PRPF19: variants seen among roughly 807,000 people sequenced by gnomAD.
PRPF19 encodes pre-mRNA-processing factor 19.
In PRPF19, 2 loss-of-function variants were observed where a neutral mutation model predicts 64.2. The observed-to-expected ratio is 0.03, with a 90% CI of 0.01 to 0.10. The LOEUF (loss-of-function observed/expected upper bound fraction) is 0.10, where lower values mean the gene tolerates loss of function less well. PRPF19 is among the 10% of genes least tolerant of loss of function. The pLI is 1.00. For synonymous variants in PRPF19, 226 were observed against 251.6 expected, an observed-to-expected ratio of 0.90 and a Z score of 0.96; for missense variants, 314 against 650.0, an observed-to-expected ratio of 0.48 and a Z score of 5.62.
chr11:60,901,608 C>T, intron 6 of PRPF19, 68 bp from the exon 7 acceptor site: 1 of 1,567,808 alleles, frequency 6.4e-7, no homozygotes, highest in Non-Finnish European at 8.7e-7. Context: ...AGATGCTGGT[C>T]ACACCTGTGC....
rs759650877 is a variant in PRPF19 at position 60,897,882 on chromosome 11, T to A, written c.1381A>T (p.Ile461Phe). 5.0e-6 allele frequency: 8 copies of A among 1,614,070 alleles called. No individual in the cohort carries two copies. The African/African-American group carries it at 1.1e-4, about 22-fold the overall frequency. Residue 461 changes from isoleucine to phenylalanine, a missense_variant, in exon 15 of 16, where the codon ATC becomes TTC. Physicochemically the swap from Ile to Phe is conservative, Grantham distance 21. Transcript: ENST00000227524. ...AGAATCTCCGTCCATTGTTTGCAGA[T>A]GTAGATCTGGACATCCGTGCCCCCA... Reference protein sequence around the residue: ...ALGGTDVQIYICKQWTEILHF... With the variant: ...ALGGTDVQIYFCKQWTEILHF...
In PRPF19 at chr11:60,898,420, C is replaced by G. The variant is rs748291744; in HGVS notation, c.1140+121G>C. The G allele has an allele frequency of 1.5e-4, 236 of 1,542,272 alleles. No individual in the cohort carries two copies. Among genetic ancestry groups the G allele is most frequent in the Non-Finnish European group, 2.0e-4 (231 of 1,139,148 alleles). On this transcript the variant is annotated intron_variant, in intron 13 of 15. Coordinates refer to ENST00000227524, the MANE Select transcript of PRPF19 (RefSeq NM_014502.5). This position sits in a 1 kb window ranked among gnomAD's most constrained non-coding sequence, Gnocchi z 4.6. ...CCCCAGACCACACCATCATATCACACACGCACAGCCAGTGTCTCTCCACCT... is the reference window on the plus strand; with the variant it reads ...CCCCAGACCACACCATCATATCACAGACGCACAGCCAGTGTCTCTCCACCT...
At chr11:60,896,367 G>A (rs1306713755) in intron 15 of PRPF19, among the ~76,000 whole-genome samples, 2 of 152,204 alleles carry the variant, frequency 1.3e-5, no homozygotes, top group African/African-American at 4.8e-5. Context: ...TGTGGAGGTA[G>A]AAGACAGTGA....
In PRPF19 at chr11:60,902,398, C is replaced by T; in HGVS notation, c.525+5G>A. The T allele has an allele frequency of 1.9e-6, 3 of 1,613,572 alleles. No individual in the cohort carries two copies. Among genetic ancestry groups the T allele is most frequent in the Non-Finnish European group, 2.5e-6 (3 of 1,179,672 alleles). Reference sequence around the variant, plus strand: ...GCACTCCCACCAGGTGAGAGCAGGACTTACCTTCTGAATAATCTCTGGGGT... The same window carrying T: ...GCACTCCCACCAGGTGAGAGCAGGATTTACCTTCTGAATAATCTCTGGGGT... On this transcript the variant is annotated splice_donor_5th_base_variant and intron_variant, in intron 6 of 15. Coordinates refer to ENST00000227524, the MANE Select transcript of PRPF19 (RefSeq NM_014502.5). The surrounding 1 kb of genome is among the most constrained non-coding windows in gnomAD (Gnocchi z 5.0).
chr11:60,895,867 G>A (rs148785602), intron 15 of PRPF19, among the ~76,000 whole-genome samples: 108 of 152,244 alleles, frequency 7.1e-4, no homozygotes, highest in African/African-American at 2.6e-3. Flanking sequence ...GGGTGGAGTG[G>A]TCAGAACACA....
chr11:60,903,998 C>G, intron 1 of PRPF19, 137 bp from the exon 2 acceptor site: 1 of 1,084,930 alleles, frequency 9.2e-7, no homozygotes, highest in African/African-American at 1.6e-5. Flanking sequence ...TGACCCTAAG[C>G]CAGTTCTGTA....
At chr11:60,903,415 T>G in intron 3 of PRPF19, 44 bp downstream of exon 3, 15 of 1,565,254 alleles carry the variant, frequency 9.6e-6, no homozygotes, top group Non-Finnish European at 1.3e-5. Context: ...AGCAATGCAT[T>G]CTCTTCAAGT....
Position 60,898,806 on chromosome 11 carries a change from TAA to T in PRPF19, c.1054+54_1054+55del, listed in dbSNP as rs1855948719. The T allele has an allele frequency of 2.0e-5, 30 of 1,498,462 alleles. No individual in the cohort carries two copies. The highest frequency in any genetic ancestry group is 2.7e-5 in the Non-Finnish European group (30 of 1,117,342). 92.8% of individuals were successfully genotyped at this position (1,498,462 alleles called of 1,614,324 possible). ...AATAAACAAATGACTAAATAAAATG[TAA>T]AAATAAATAATAAACAGCAAACAAA... On this transcript the variant is annotated intron_variant, in intron 12 of 15. Coordinates refer to ENST00000227524, the MANE Select transcript of PRPF19 (RefSeq NM_014502.5). This position sits in a 1 kb window ranked among gnomAD's most constrained non-coding sequence, Gnocchi z 4.6.
intron 8 of PRPF19, 112 bp downstream of exon 8, chr11:60,901,183 A>AGC: frequency 8.2e-7 from 1 of 1,215,492 alleles, no homozygotes; most frequent in Non-Finnish European, 1.2e-6. Context: ...CACCAGGAAC[A>AGC]GCGCCAGGAA....
chr11:60,898,716 C>G lies in PRPF19; in HGVS notation c.1055-90G>C, dbSNP rs532157307. 37 of 1,593,790 alleles carry G rather than the reference C, an allele frequency of 2.3e-5. No homozygotes were observed. In the African/African-American group the frequency reaches 4.0e-4, roughly 17 times the overall value. ...AGGTAGGTTCCTTGTTCTTCACATT[C>G]CTCAGTGAACCCAGCACAAAGCCCG... is the stretch of plus-strand genomic sequence containing the variant. On this transcript the variant is annotated intron_variant, in intron 12 of 15. Transcript: ENST00000227524. The surrounding 1 kb of genome is among the most constrained non-coding windows in gnomAD (Gnocchi z 4.6).
intron 10 of PRPF19, 130 bp from the exon 11 acceptor site, chr11:60,899,434 G>A: frequency 1.0e-6 from 1 of 992,382 alleles, no homozygotes; most frequent in South Asian, 1.6e-5. Flanking sequence ...GCCCTCCCTG[G>A]AACCACCTAT....
chr11:60,904,988 G>A (rs1053243363), intron 1 of PRPF19, among the ~76,000 whole-genome samples: 1 of 152,132 alleles, frequency 6.6e-6, no homozygotes, highest in Non-Finnish European at 1.5e-5. Context: ...ACTGATTAGC[G>A]TACAGACACT....
In PRPF19 at chr11:60,898,740, C is replaced by A; in HGVS notation, c.1055-114G>T. 6.4e-7 allele frequency: 1 copy of A among 1,559,378 alleles called. No individual in the cohort carries two copies. The highest frequency in any genetic ancestry group is 1.2e-5 in the South Asian group (1 of 85,784). On this transcript the variant is annotated intron_variant, in intron 12 of 15. Transcript: ENST00000227524. The surrounding 1 kb of genome is among the most constrained non-coding windows in gnomAD (Gnocchi z 4.6). ...TCCTCAGTGAACCCAGCACAAAGCC[C>A]GCACTAGACAGGTGCTCATGGTAAA... is the stretch of plus-strand genomic sequence containing the variant.
At chr11:60,903,684 G>A (rs200466206) in intron 2 of PRPF19, 28 bp downstream of exon 2, 1 of 1,581,752 alleles carries the variant, frequency 6.3e-7, no homozygotes, top group East Asian at 2.2e-5. Flanking sequence ...AGCTAAGATG[G>A]CCCTAGACTA....
chr11:60,906,127 G>A (rs1168887083), intron 1 of PRPF19, among the ~76,000 whole-genome samples: 1 of 152,220 alleles, frequency 6.6e-6, no homozygotes, highest in African/African-American at 2.4e-5. Flanking sequence ...AGAATGAGGC[G>A]ACCGGCCTCA....
rs568382090 is a variant in PRPF19, at chr11:60,898,239, G to A, written c.1173C>T (p.His391=). Residue 391 remains histidine, a synonymous_variant, in exon 14 of 16, where the codon CAC becomes CAT. Coordinates refer to ENST00000227524, the MANE Select transcript of PRPF19 (RefSeq NM_014502.5). The surrounding 1 kb of genome is among the most constrained non-coding windows in gnomAD (Gnocchi z 4.6). The part of the protein sequence containing the change: ...ERTNVANFPG[H]SGPITSIAFS... ...AGGCGATGCTAGTGATGGGGCCCGAGTGGCCAGGGAAGTTGGCCACATTAG... is the reference window on the plus strand; with the variant it reads ...AGGCGATGCTAGTGATGGGGCCCGAATGGCCAGGGAAGTTGGCCACATTAG... The A allele has an allele frequency of 6.2e-7, 1 of 1,614,046 alleles. No homozygotes were observed. The highest frequency in any genetic ancestry group is 1.7e-5 in the Admixed American group (1 of 60,018).
intron 1 of PRPF19, chr11:60,905,494 G>A (rs1856035875): frequency 6.6e-6 from 1 of 152,214 alleles, no homozygotes; most frequent in Non-Finnish European, 1.5e-5. Context: ...GAGGGGAAAC[G>A]AGTAATCTGA....
intron 8 of PRPF19, 146 bp downstream of exon 8, chr11:60,901,149 C>G (rs1273874608): frequency 9.8e-7 from 1 of 1,023,168 alleles, no homozygotes; most frequent in Non-Finnish European, 1.4e-6. Flanking sequence ...GCCCTGACAA[C>G]TCAGCAGCCC....
chr11:60,891,773 G>C (rs1310511382), intron 15 of PRPF19, among the ~76,000 whole-genome samples: 1 of 152,110 alleles, frequency 6.6e-6, no homozygotes. Flanking sequence ...ATCACACCTG[G>C]AGTCAACCAA....
Sources: gnomAD v4.1 joint callset for allele counts (sites outside exome capture counted in the v4.1 genomes callset) on GRCh38, gnomAD v4.1.1 for gene constraint, Gnocchi (gnomAD v3.1) non-coding constraint, MANE v1.5 for transcripts, NCBI Gene and HGNC (gene_info 2026-07-23, HGNC 2026-07-21) for gene names.